Variants in NHS observed in about 807,000 individuals in gnomAD.
NHS encodes NHS actin remodeling regulator.
A neutral mutation model predicts 72.5 loss-of-function variants in NHS; 5 were observed. The observed-to-expected ratio is 0.07, with a 90% confidence interval of 0.04 to 0.14. The LOEUF is 0.14. Among genes scored for constraint, NHS ranks in the 10% least tolerant of loss-of-function variants. The pLI, the probability that NHS is intolerant of heterozygous loss-of-function variation, is 1.00. For missense variants in NHS, 1,072 were observed against 1,355.7 expected, an observed-to-expected ratio of 0.79 and a Z score of 3.29; for synonymous variants, 464 against 547.7, an observed-to-expected ratio of 0.85 and a Z score of 2.13.
intron 1 of NHS, among the ~76,000 whole-genome samples, chrX:17,559,841 A>T (rs2065403246): frequency 9.0e-6 from 1 of 111,170 alleles, no homozygotes; most frequent in South Asian, 3.8e-4. Flanking sequence ...CTTCTTTTGC[A>T]GCTTCTCCCT....
At chrX:17,671,165 T>G (rs1470616189) in intron 1 of NHS, among the ~76,000 whole-genome samples, 1 of 112,522 alleles carries the variant, frequency 8.9e-6, no homozygotes, top group African/African-American at 3.2e-5. Context: ...TGCTTGCAGC[T>G]TTCACTGGCA....
At chrX:17,602,997 C>T (rs746086883) in intron 1 of NHS, among the ~76,000 whole-genome samples, 3 of 109,792 alleles carry the variant, frequency 2.7e-5, no homozygotes, top group Non-Finnish European at 3.8e-5. Context: ...TGTACCACCA[C>T]GCCCAGCTAA....
intron 1 of NHS, among the ~76,000 whole-genome samples, chrX:17,382,108 TTC>T (rs1251198750): frequency 1.8e-5 from 2 of 112,300 alleles, no homozygotes; most frequent in Non-Finnish European, 3.8e-5. Flanking sequence ...TATTTCTCTT[TTC>T]TCTCTCTTTT....
chrX:17,436,957 T>C (rs1189425322), intron 1 of NHS, among the ~76,000 whole-genome samples: 1 of 112,010 alleles, frequency 8.9e-6, no homozygotes, highest in Non-Finnish European at 1.9e-5. Flanking sequence ...ACCTGGTCTC[T>C]TGATGCTCGG....
chrX:17,661,749 G>A (rs760468253), intron 1 of NHS, among the ~76,000 whole-genome samples: 5 of 112,038 alleles, frequency 4.5e-5, no homozygotes, highest in Non-Finnish European at 7.5e-5. Context: ...GCACTCATTT[G>A]CCAGGGCTAG....
Position 17,482,275 on chromosome X carries a change from A to C in NHS, c.565+105953A>C, listed in dbSNP as rs183844449. Among the ~76,000 whole-genome samples, 430 of 111,907 alleles carry C rather than the reference A, an allele frequency of 3.8e-3. 1 individual carries two copies. Among genetic ancestry groups the C allele is most frequent in the African/African-American group, 0.013 (391 of 30,818 alleles). ...CAGTGGGAAGGATAAGAGACATCTC[A>C]GGGCTTTTTTAGGGAGCTCTTGAAA... On this transcript the variant is annotated intron_variant, in intron 1 of 8. Coordinates refer to ENST00000676302, the MANE Select transcript of NHS (RefSeq NM_001291867.2).
chrX:17,454,198 T>A (rs2064817073), intron 1 of NHS, among the ~76,000 whole-genome samples: 1 of 111,980 alleles, frequency 8.9e-6, no homozygotes, highest in Non-Finnish European at 1.9e-5. Context: ...TTATAGGCTA[T>A]TTGATAGCAT....
chrX:17,412,162 G>A (rs1393604174), intron 1 of NHS, among the ~76,000 whole-genome samples: 4 of 109,604 alleles, frequency 3.6e-5, no homozygotes, highest in Non-Finnish European at 5.7e-5. Flanking sequence ...TAACATTAGT[G>A]TGGCTCCATT....
chrX:17,728,508 G>A, intron 7 of NHS, 141 bp from the exon 8 acceptor site: 1 of 924,961 alleles, frequency 1.1e-6, no homozygotes, highest in South Asian at 2.1e-5. Context: ...AGCTTTGACA[G>A]GTATCTCTCT....
chrX:17,704,068 G>C (rs2066281554), intron 3 of NHS, among the ~76,000 whole-genome samples: 1 of 110,370 alleles, frequency 9.1e-6, no homozygotes, highest in South Asian at 3.9e-4. Context: ...GAGAGAGAAT[G>C]ACCTGGGCAA....
intron 1 of NHS, among the ~76,000 whole-genome samples, chrX:17,521,978 G>A (rs2065150624): frequency 8.9e-6 from 1 of 112,276 alleles, no homozygotes; most frequent in South Asian, 3.7e-4. Context: ...GCTTCGTTTT[G>A]GTTTGGCAGA....
At chrX:17,467,065 G>GA (rs2064873618) in intron 1 of NHS, among the ~76,000 whole-genome samples, 1 of 111,718 alleles carries the variant, frequency 9.0e-6, no homozygotes, top group South Asian at 3.8e-4. Context: ...AAGGGCTTCA[G>GA]ATTCCTGGTC....
intron 1 of NHS, among the ~76,000 whole-genome samples, chrX:17,485,858 A>G (rs2064965409): frequency 8.9e-6 from 1 of 111,785 alleles, no homozygotes; most frequent in Admixed American, 9.6e-5. Context: ...AGAGCTTTCT[A>G]TAGGGCTGAG....
At chrX:17,581,065 T>A (rs2065541342) in intron 1 of NHS, among the ~76,000 whole-genome samples, 1 of 111,608 alleles carries the variant, frequency 9.0e-6, no homozygotes, top group South Asian at 3.8e-4. Context: ...TGGGGAAATC[T>A]GAGTTTCACC....
At chrX:17,630,116 A>T (rs1666947916) in intron 1 of NHS, among the ~76,000 whole-genome samples, 1 of 101,993 alleles carries the variant, frequency 9.8e-6, no homozygotes, top group African/African-American at 3.6e-5. Flanking sequence ...ACTTTGGGCC[A>T]ACCCCTAGCA....
intron 1 of NHS, among the ~76,000 whole-genome samples, chrX:17,576,651 G>A (rs192936507): frequency 6.0e-4 from 67 of 112,271 alleles, no homozygotes; most frequent in African/African-American, 2.0e-3. Context: ...GATGTGAAAC[G>A]CACAGGCTCT....
At chrX:17,519,353 G>C (rs1213250047) in intron 1 of NHS, among the ~76,000 whole-genome samples, 1 of 112,378 alleles carries the variant, frequency 8.9e-6, no homozygotes, top group Non-Finnish European at 1.9e-5. Context: ...AGTATGGAAG[G>C]CTTATTTTGG....
chrX:17,676,565 G>A (rs947665950), intron 1 of NHS, among the ~76,000 whole-genome samples: 2 of 112,709 alleles, frequency 1.8e-5, no homozygotes, highest in Non-Finnish European at 3.7e-5. Context: ...TCGCTCTCCT[G>A]AAAGAGCAAA....
chrX:17,555,634 G>A (rs1411017710), intron 1 of NHS, among the ~76,000 whole-genome samples: 1 of 112,136 alleles, frequency 8.9e-6, no homozygotes, highest in Non-Finnish European at 1.9e-5. Flanking sequence ...GGAAATCAGT[G>A]TGATCTCTAC....
Sources: gnomAD v4.1 joint callset for allele counts (sites outside exome capture counted in the v4.1 genomes callset) on GRCh38, gnomAD v4.1.1 for gene constraint, MANE v1.5 for transcripts, NCBI Gene and HGNC (gene_info 2026-07-23, HGNC 2026-07-21) for gene names.